Variants in TCL1B observed in about 807,000 individuals in gnomAD.
TCL1B encodes TCL1 family AKT coactivator B.
In TCL1B, 14 loss-of-function variants were observed where a neutral mutation model predicts 16.9. The ratio of observed to expected loss-of-function variants is 0.83; its 90% CI spans 0.55 to 1.30. The LOEUF (loss-of-function observed/expected upper bound fraction) is 1.30, where lower values mean the gene tolerates loss of function less well. TCL1B is among the 50% of genes most tolerant of loss of function. The pLI is 0.00. For missense variants in TCL1B, 166 were observed against 165.2 expected (o/e 1.00, Z -0.03); for synonymous variants, 79 against 66.6 (o/e 1.19, Z -0.91).
At chr14:95,691,456 A>G in intron 3 of TCL1B, 120 bp downstream of exon 3, 2 of 877,060 alleles carry the variant, frequency 2.3e-6, no homozygotes, top group East Asian at 2.6e-5. Flanking sequence ...TTTTTCTTAC[A>G]TAGCCACCTG....
At chr14:95,690,185 A>G (rs1885849069) in intron 1 of TCL1B, among the ~76,000 whole-genome samples, 2 of 152,190 alleles carry the variant, frequency 1.3e-5, no homozygotes, top group African/African-American at 2.4e-5. Context: ...TATTTTTTGT[A>G]GAGACAGAGT....
rs540281043 is a variant in TCL1B at position 95,687,735 on chromosome 14, G to A, written c.162+1106G>A. On this transcript the variant is annotated intron_variant, in intron 1 of 3. Transcript: ENST00000340722. ...TGGGAGGCCGAGATGGGCTTATCAC[G>A]AGATCAGGAGATCGAGACCATCCTA... is the stretch of plus-strand genomic sequence containing the variant. Among the ~76,000 whole-genome samples the A allele has an allele frequency of 3.3e-5, 5 of 152,104 alleles. No individual in the cohort carries two copies. The South Asian group carries it at 6.2e-4, about 19-fold the overall frequency.
rs1215858896 is a variant in TCL1B at position 95,686,486 on chromosome 14, G to C, written c.19G>C (p.Val7Leu). The C allele has an allele frequency of 6.2e-7, 1 of 1,604,810 alleles. No homozygotes were observed. Among genetic ancestry groups the C allele is most frequent in the Non-Finnish European group, 8.5e-7 (1 of 1,175,626 alleles). Reference protein sequence around the residue: MASEASVRLGVPPGRLW... With the variant: MASEASLRLGVPPGRLW... ...ACTTGCCATGGCCTCCGAAGCTTCT[G>C]TGCGTCTAGGGGTGCCCCCTGGCCG... Residue 7 changes from valine (V) to leucine (L), a missense_variant, in exon 1 of 4, where the codon GTG becomes CTG. By Grantham distance (32) the Val-to-Leu change is conservative (BLOSUM62 1). Transcript: ENST00000340722.
In TCL1B at chr14:95,686,583, T is replaced by C; in HGVS notation, c.116T>C (p.Phe39Ser). Residue 39 changes from phenylalanine to serine, a missense_variant, in exon 1 of 4, where the codon TTC (phenylalanine) becomes TCC (serine). Coordinates refer to ENST00000340722, the MANE Select transcript of TCL1B (RefSeq NM_004918.4). ...ACCTGGGTGACTGTGGTCGTGCGGT[T>C]CAATCCCTCGCGTAGGGAATGGGCC... ...GRTWVTVVVR[F>S]NPSRREWARA... The C allele has an allele frequency of 6.2e-7, 1 of 1,613,686 alleles. No individual in the cohort carries two copies.
chr14:95,686,934 C>A (rs1261438356), intron 1 of TCL1B, among the ~76,000 whole-genome samples: 3 of 152,200 alleles, frequency 2.0e-5, no homozygotes, highest in Admixed American at 2.0e-4. Context: ...ACAAATGGGG[C>A]AGCTATTGAG....
At position 95,686,580 on chromosome 14, in the gene TCL1B, G is replaced by T. The variant is rs748876750; in HGVS notation, c.113G>T (p.Arg38Leu). Residue 38 changes from arginine to leucine, a missense_variant, in exon 1 of 4, where the codon CGG (arginine) becomes CTG (leucine). Arg to Leu is a moderately radical substitution (Grantham distance 102). Transcript: ENST00000340722. ...EGRTWVTVVV[R>L]FNPSRREWAR... ...AGAACCTGGGTGACTGTGGTCGTGC[G>T]GTTCAATCCCTCGCGTAGGGAATGG... is the stretch of plus-strand genomic sequence containing the variant. The T allele has an allele frequency of 1.2e-6, 2 of 1,613,794 alleles. No individual in the cohort carries two copies. Among genetic ancestry groups the T allele is most frequent in the African/African-American group, 1.3e-5 (1 of 75,014 alleles).
intron 1 of TCL1B, among the ~76,000 whole-genome samples, chr14:95,689,955 C>T (rs1056513332): frequency 1.3e-5 from 2 of 152,172 alleles, no homozygotes; most frequent in African/African-American, 4.8e-5. Context: ...TTTTACTTTT[C>T]CTATCATCTT....
chr14:95,690,936 G>T (rs372535115), intron 2 of TCL1B, 30 bp downstream of exon 2: 8 of 1,604,830 alleles, frequency 5.0e-6, no homozygotes, highest in Non-Finnish European at 6.8e-6. Context: ...AGGTGAAAGC[G>T]ACAGGTGGCC....
At chr14:95,687,078 T>C (rs1020561626) in intron 1 of TCL1B, among the ~76,000 whole-genome samples, 21 of 152,196 alleles carry the variant, frequency 1.4e-4, no homozygotes, top group African/African-American at 5.1e-4. Context: ...AGATTACTGA[T>C]CTGCAAAATG....
chr14:95,689,740 G>T (rs567876254), intron 1 of TCL1B, among the ~76,000 whole-genome samples: 2 of 152,144 alleles, frequency 1.3e-5, no homozygotes, highest in Non-Finnish European at 2.9e-5. Context: ...AGATTTTGCC[G>T]TATAATTTAA....
At chr14:95,689,887 T>C (rs1885844185) in intron 1 of TCL1B, among the ~76,000 whole-genome samples, 1 of 152,256 alleles carries the variant, frequency 6.6e-6, no homozygotes, top group African/African-American at 2.4e-5. Flanking sequence ...AGAAGACAAA[T>C]ACTTAGAAAA....
intron 2 of TCL1B, 150 bp downstream of exon 2, chr14:95,691,056 T>G (rs1297504708): frequency 2.0e-5 from 23 of 1,133,482 alleles, no homozygotes; most frequent in Non-Finnish European, 2.9e-5. Context: ...TGAGTGTGTG[T>G]GGGTGGATCG....
At chr14:95,686,670 G>T (rs766136730) in intron 1 of TCL1B, 41 bp downstream of exon 1, 2 of 1,553,784 alleles carry the variant, frequency 1.3e-6, no homozygotes, top group South Asian at 1.2e-5. Flanking sequence ...GGAGGGCTGC[G>T]CACTGACCCC....
rs766888625 is a variant in TCL1B, at chr14:95,691,301, C to A, written c.367C>A (p.Gln123Lys). ...DSMEQLVLTY[Q>K]PERKD The stretch of plus-strand genomic sequence containing the variant: ...TATGGAGCAGCTGGTCCTAACATAT[C>A]AGCCGGAGAGGAAAGACTGACACTG... The change falls in exon 3 of 4, where the codon CAG (glutamine) becomes AAG (lysine). Residue 123 changes from glutamine to lysine, a missense_variant. By Grantham distance (53) the Gln-to-Lys change is moderately conservative (BLOSUM62 1). Transcript: ENST00000340722. 4 of 1,613,654 alleles carry A rather than the reference C, an allele frequency of 2.5e-6. No homozygotes were observed. The highest frequency in any genetic ancestry group is 1.7e-4 in the Middle Eastern group (1 of 6,060).
chr14:95,687,487 G>A (rs577136992), intron 1 of TCL1B, among the ~76,000 whole-genome samples: 2 of 152,196 alleles, frequency 1.3e-5, no homozygotes, highest in South Asian at 4.1e-4. Flanking sequence ...AACACCTAAT[G>A]CTACACCTAC....
chr14:95,690,489 T>C (rs1885855476), intron 1 of TCL1B, among the ~76,000 whole-genome samples: 1 of 151,966 alleles, frequency 6.6e-6, no homozygotes, highest in Admixed American at 6.6e-5. Context: ...CCCAAGGTGT[T>C]GACAGGTTGG....
intron 1 of TCL1B, among the ~76,000 whole-genome samples, chr14:95,687,939 G>A (rs1456277343): frequency 1.9e-5 from 2 of 105,500 alleles, no homozygotes; most frequent in African/African-American, 3.9e-5. Flanking sequence ...GTGACAGAGT[G>A]AGACTCCGTC....
chr14:95,687,338 G>C (rs1310079619), intron 1 of TCL1B, among the ~76,000 whole-genome samples: 2 of 152,158 alleles, frequency 1.3e-5, no homozygotes. Flanking sequence ...ATACAGTAGC[G>C]TTTCTGGTGT....
At chr14:95,686,720 T>A in intron 1 of TCL1B, 91 bp downstream of exon 1, 2 of 1,414,946 alleles carry the variant, frequency 1.4e-6, no homozygotes, top group South Asian at 1.5e-5. Flanking sequence ...AGGGGGCCGT[T>A]CTCACCCGCA....
Sources: gnomAD v4.1 joint callset for allele counts (sites outside exome capture counted in the v4.1 genomes callset) on GRCh38, gnomAD v4.1.1 for gene constraint, MANE v1.5 for transcripts, NCBI Gene and HGNC (gene_info 2026-07-23, HGNC 2026-07-21) for gene names.